AJAP1: variants seen among roughly 807,000 people sequenced by gnomAD.
AJAP1 encodes adherens junction-associated protein 1.
Under a neutral mutation model 35.0 loss-of-function variants are expected in AJAP1, and 5 were observed. The observed-to-expected ratio is 0.14, with a 90% CI of 0.07 to 0.30. The LOEUF is 0.30. Among genes scored for constraint, AJAP1 ranks in the 10% least tolerant of loss-of-function variants. The pLI, the probability that AJAP1 is intolerant of heterozygous loss-of-function variation, is 1.00. For synonymous variants in AJAP1, 284 were observed against 249.3 expected, an observed-to-expected ratio of 1.14 and a Z score of -1.31; for missense variants, 586 against 571.0, an observed-to-expected ratio of 1.03 and a Z score of -0.27.
chr1:4,721,747 C>T (rs1203927088), intron 2 of AJAP1, among the ~76,000 whole-genome samples: 4 of 152,132 alleles, frequency 2.6e-5, no homozygotes, highest in Non-Finnish European at 5.9e-5. Context: ...CTCTCCTAAC[C>T]CTTGCAGAGC....
At position 4,713,145 on chromosome 1, in the gene AJAP1, G is replaced by A. The variant is rs140332634; in HGVS notation, c.829+446G>A. Among the ~76,000 whole-genome samples the A allele has an allele frequency of 3.8e-3, 586 of 152,330 alleles. 1 individual carries two copies. The highest frequency in any genetic ancestry group is 0.013 in the African/African-American group (545 of 41,582). On this transcript the variant is annotated intron_variant, in intron 2 of 5. Coordinates refer to ENST00000378191, the MANE Select transcript of AJAP1 (RefSeq NM_018836.4). Reference sequence around the variant, plus strand: ...CCAGAGTCTTCAAAAGCCTTCAAGGGTATGGGACCCATGGACGGGGGCATG... The same window carrying A: ...CCAGAGTCTTCAAAAGCCTTCAAGGATATGGGACCCATGGACGGGGGCATG...
chr1:4,749,709 C>T (rs1047042823), intron 2 of AJAP1, among the ~76,000 whole-genome samples: 3 of 152,238 alleles, frequency 2.0e-5, no homozygotes, highest in African/African-American at 7.2e-5. Context: ...CCCTGTGTAC[C>T]AGAGGCCTTG....
rs143445889 is a variant in AJAP1 at position 4,708,883 on chromosome 1, C to CT, written c.30-3009dup. Reference sequence around the variant, plus strand: ...TCTGTCCTGGTTGCCCACCTGCCCTCTTTTTTTTCCTCTCTGAACAAATCA... The same window carrying CT: ...TCTGTCCTGGTTGCCCACCTGCCCTCTTTTTTTTTCCTCTCTGAACAAATCA... On this transcript the variant is annotated intron_variant, in intron 1 of 5. Transcript: ENST00000378191. 1.1e-4 allele frequency among the ~76,000 whole-genome samples: 16 copies of CT among 152,148 alleles called. No individual in the cohort carries two copies. In the East Asian group the frequency reaches 2.1e-3, roughly 20 times the overall value.
intron 2 of AJAP1, among the ~76,000 whole-genome samples, chr1:4,768,616 C>T (rs960873853): frequency 2.6e-5 from 4 of 152,182 alleles, no homozygotes; most frequent in African/African-American, 4.8e-5. Context: ...GTGTGAGGGG[C>T]GGGTCTCTGC....
intron 5 of AJAP1, among the ~76,000 whole-genome samples, chr1:4,778,230 T>C (rs1570233332): frequency 6.6e-6 from 1 of 152,108 alleles, no homozygotes; most frequent in East Asian, 1.9e-4. Context: ...CAGCTTCCCT[T>C]TTTGCCCAGG....
intron 1 of AJAP1, among the ~76,000 whole-genome samples, chr1:4,679,368 G>A (rs1639426928): frequency 6.6e-6 from 1 of 151,932 alleles, no homozygotes; most frequent in Admixed American, 6.6e-5. Context: ...AGGCACAGGA[G>A]AAATATCTGA....
chr1:4,749,516 C>T (rs934131563), intron 2 of AJAP1, among the ~76,000 whole-genome samples: 6 of 152,212 alleles, frequency 3.9e-5, no homozygotes, highest in East Asian at 1.9e-4. Context: ...TCTCCACTGC[C>T]GGCTTCCGGA....
In AJAP1 at chr1:4,712,506, G is replaced by T; in HGVS notation, c.636G>T (p.Arg212=). The T allele has an allele frequency of 6.2e-7, 1 of 1,612,762 alleles. No homozygotes were observed. The highest frequency in any genetic ancestry group is 2.2e-5 in the East Asian group (1 of 44,838). Residue 212 remains arginine (R), a synonymous_variant, in exon 2 of 6, where the codon CGG becomes CGT. Coordinates refer to ENST00000378191, the MANE Select transcript of AJAP1 (RefSeq NM_018836.4). ...CCACGGTCTCCATCCTACAAACACG[G>T]AAGACAACTGTGGCCGCCACCACCA... ...GPTTVSILQT[R]KTTVAATTTT...
intron 1 of AJAP1, among the ~76,000 whole-genome samples, chr1:4,708,266 G>A (rs186210836): frequency 3.9e-4 from 60 of 152,098 alleles, no homozygotes; most frequent in East Asian, 9.8e-4. Context: ...ATGTCTGGCC[G>A]GGCGGTATGT....
intron 2 of AJAP1, among the ~76,000 whole-genome samples, chr1:4,752,105 G>A (rs1467404988): frequency 6.6e-6 from 1 of 151,918 alleles, no homozygotes; most frequent in Admixed American, 6.6e-5. Context: ...ATGAGAAAGG[G>A]AAGCAGTAAG....
chr1:4,766,627 A>G (rs552541442), intron 2 of AJAP1, among the ~76,000 whole-genome samples: 3 of 152,344 alleles, frequency 2.0e-5, no homozygotes, highest in African/African-American at 7.2e-5. Flanking sequence ...CCAGGAGCCC[A>G]TTGAAACCCA....
At chr1:4,728,185 A>G (rs1457985759) in intron 2 of AJAP1, among the ~76,000 whole-genome samples, 3 of 152,202 alleles carry the variant, frequency 2.0e-5, no homozygotes, top group Non-Finnish European at 4.4e-5. Flanking sequence ...TCTGTGGGTG[A>G]TGGGTGAATG....
At chr1:4,770,166 T>C (rs1197788121) in intron 3 of AJAP1, among the ~76,000 whole-genome samples, 10 of 152,162 alleles carry the variant, frequency 6.6e-5, no homozygotes, top group Non-Finnish European at 1.5e-4. Flanking sequence ...GTGACAGAGC[T>C]TCTCAGGGTG....
chr1:4,776,844 C>A (rs895389577), intron 5 of AJAP1, among the ~76,000 whole-genome samples: 1 of 152,206 alleles, frequency 6.6e-6, no homozygotes, highest in Non-Finnish European at 1.5e-5. Context: ...GAGCTGACCC[C>A]CTCCCTGTGG....
chr1:4,735,442 A>G (rs757172421), intron 2 of AJAP1, among the ~76,000 whole-genome samples: 2 of 152,168 alleles, frequency 1.3e-5, no homozygotes, highest in Non-Finnish European at 2.9e-5. Flanking sequence ...TGTCTCGCCC[A>G]TCCAATTTTG....
At chr1:4,766,639 A>C (rs1478406590) in intron 2 of AJAP1, among the ~76,000 whole-genome samples, 1 of 151,932 alleles carries the variant, frequency 6.6e-6, no homozygotes, top group African/African-American at 2.4e-5. Context: ...TGAAACCCAC[A>C]CTCCAGGTTT....
chr1:4,709,937 A>G (rs190239864), intron 1 of AJAP1, among the ~76,000 whole-genome samples: 40 of 152,304 alleles, frequency 2.6e-4, no homozygotes, highest in Non-Finnish European at 4.7e-4. Context: ...TCTGTTCCCC[A>G]GATATCTGGG....
intron 1 of AJAP1, among the ~76,000 whole-genome samples, chr1:4,677,464 G>A (rs1408985084): frequency 6.6e-6 from 1 of 152,042 alleles, no homozygotes; most frequent in Non-Finnish European, 1.5e-5. Flanking sequence ...AAATGCAGGA[G>A]GGCTTCCACA....
chr1:4,729,776 C>A (rs910788853), intron 2 of AJAP1, among the ~76,000 whole-genome samples: 11 of 152,182 alleles, frequency 7.2e-5, no homozygotes, highest in Admixed American at 6.5e-4. Context: ...GTTAGGACTT[C>A]AGCATATTCA....
Sources: allele counts gnomAD v4.1 joint callset (sites outside exome capture counted in the v4.1 genomes callset), GRCh38; gene constraint gnomAD v4.1.1; transcripts MANE v1.5; gene names NCBI Gene and HGNC (gene_info 2026-07-23, HGNC 2026-07-21).